The following ITIH5 variants were observed in gnomAD, a reference collection of about 807,000 sequenced individuals.
ITIH5 encodes the protein inter-alpha-trypsin inhibitor heavy chain 5, also known as inter-alpha-trypsin inhibitor heavy chain H5.
In ITIH5, 65 loss-of-function variants were observed where a neutral mutation model predicts 77.5. The observed-to-expected ratio is 0.84, with a 90% CI of 0.69 to 1.03. The LOEUF is 1.03. Among genes scored for constraint, ITIH5 ranks in the 50% least tolerant of loss-of-function variants. The pLI is 0.00. For missense variants in ITIH5, 1,208 were observed against 1,213.1 expected (o/e 1.00, Z 0.06); for synonymous variants, 525 against 494.3 (o/e 1.06, Z -0.82).
intron 2 of ITIH5, among the ~76,000 whole-genome samples, chr10:7,649,555 T>G (rs1352792915): frequency 6.6e-6 from 1 of 152,154 alleles, no homozygotes; most frequent in Non-Finnish European, 1.5e-5. Flanking sequence ...GATAGATAGA[T>G]AGATACCTTG....
At chr10:7,573,239 A>G in intron 10 of ITIH5, 44 bp from the exon 11 acceptor site, 1 of 1,544,928 alleles carries the variant, frequency 6.5e-7, no homozygotes, top group Non-Finnish European at 8.9e-7. Flanking sequence ...TTCCTTAAAG[A>G]AGATGAAGAG....
At chr10:7,572,052 G>C (rs1832311765) in intron 11 of ITIH5, 2 of 1,014,618 alleles carry the variant, frequency 2.0e-6, no homozygotes, top group African/African-American at 3.5e-5. Context: ...AGAGGGGAGG[G>C]TCAAAAAGTC....
At chr10:7,563,782 G>T (rs116953364) in intron 13 of ITIH5, among the ~76,000 whole-genome samples, 1 of 152,334 alleles carries the variant, frequency 6.6e-6, no homozygotes, top group South Asian at 2.1e-4. Context: ...TGTGCCGGGT[G>T]GGGGTGGAAA....
intron 12 of ITIH5, among the ~76,000 whole-genome samples, chr10:7,567,350 T>TTATTAC (rs1362075328): frequency 6.7e-6 from 1 of 148,786 alleles, no homozygotes; most frequent in African/African-American, 2.5e-5. Context: ...ATTATTATTA[T>TTATTAC]TATTATACTT....
intron 8 of ITIH5, among the ~76,000 whole-genome samples, chr10:7,580,326 G>T (rs905240944): frequency 4.3e-4 from 65 of 152,214 alleles, no homozygotes; most frequent in Non-Finnish European, 4.4e-5. Context: ...GACCATGTTG[G>T]CCAGGCTGGT....
chr10:7,628,475 G>A (rs530795155), intron 5 of ITIH5, among the ~76,000 whole-genome samples: 28 of 151,816 alleles, frequency 1.8e-4, no homozygotes, highest in African/African-American at 6.3e-4. Flanking sequence ...TCCGTGCTGC[G>A]GCATGTGTCT....
chr10:7,625,148 C>T (rs1564266858), intron 5 of ITIH5, among the ~76,000 whole-genome samples: 1 of 151,736 alleles, frequency 6.6e-6, no homozygotes, highest in African/African-American at 2.4e-5. Context: ...TGCAGACACA[C>T]AGTGCAATAT....
chr10:7,657,216 AC>A (rs1264059853), intron 1 of ITIH5, among the ~76,000 whole-genome samples: 1 of 140,476 alleles, frequency 7.1e-6, no homozygotes, highest in Non-Finnish European at 1.5e-5. Flanking sequence ...GGCTAATTTT[AC>A]TTTTGTATTT....
chr10:7,633,509 G>C (rs1833744906), intron 5 of ITIH5, among the ~76,000 whole-genome samples: 1 of 152,186 alleles, frequency 6.6e-6, no homozygotes, highest in African/African-American at 2.4e-5. Flanking sequence ...ATTTAATGAG[G>C]AGGTAGATAG....
chr10:7,624,591 G>T (rs1175571588), intron 5 of ITIH5, among the ~76,000 whole-genome samples: 1 of 151,332 alleles, frequency 6.6e-6, no homozygotes, highest in East Asian at 2.0e-4. Flanking sequence ...GCCAAGGGGG[G>T]CAGATCACCT....
intron 2 of ITIH5, among the ~76,000 whole-genome samples, chr10:7,644,626 C>CATATATATCAT (rs1833958419): frequency 1.0e-5 from 1 of 98,398 alleles, no homozygotes; most frequent in African/African-American, 4.4e-5. Context: ...ATATATATCA[C>CATATATATCAT]ATATATCACA....
intron 5 of ITIH5, among the ~76,000 whole-genome samples, chr10:7,633,872 G>A (rs1002788831): frequency 6.6e-5 from 10 of 151,912 alleles, no homozygotes; most frequent in Admixed American, 3.9e-4. Context: ...GGCGGATCAC[G>A]AGGTCAGGAG....
At chr10:7,615,898 A>G in intron 7 of ITIH5, 84 bp downstream of exon 7, 1 of 829,906 alleles carries the variant, frequency 1.2e-6, no homozygotes, top group South Asian at 1.4e-5. Context: ...GACGTTTGGC[A>G]TCTACCGAAC....
chr10:7,590,234 A>G (rs1238771782), intron 7 of ITIH5, among the ~76,000 whole-genome samples: 1 of 152,154 alleles, frequency 6.6e-6, no homozygotes, highest in East Asian at 1.9e-4. Flanking sequence ...CCGTGGTCCA[A>G]GGCGGAAGCC....
chr10:7,651,587 C>A (rs937826506), intron 2 of ITIH5, among the ~76,000 whole-genome samples: 1 of 151,864 alleles, frequency 6.6e-6, no homozygotes, highest in Middle Eastern at 3.4e-3. Flanking sequence ...CAGCCTGGGC[C>A]ACAGAGTGAG....
chr10:7,588,520 A>G (rs773195131), intron 7 of ITIH5, among the ~76,000 whole-genome samples: 1 of 152,218 alleles, frequency 6.6e-6, no homozygotes, highest in Non-Finnish European at 1.5e-5. Context: ...GTGTCTCAAA[A>G]AATAAATAAA....
intron 13 of ITIH5, among the ~76,000 whole-genome samples, chr10:7,565,585 T>C (rs1348276905): frequency 6.7e-6 from 1 of 148,812 alleles, no homozygotes; most frequent in Non-Finnish European, 1.5e-5. Context: ...ATATAATACA[T>C]ATATACATGT....
At chr10:7,655,760 G>A (rs1035445420) in intron 1 of ITIH5, 85 bp from the exon 2 acceptor site, 4 of 1,021,154 alleles carry the variant, frequency 3.9e-6, no homozygotes, top group African/African-American at 3.1e-5. Flanking sequence ...TCTCACATGA[G>A]TTATACAAGG....
intron 7 of ITIH5, among the ~76,000 whole-genome samples, chr10:7,594,400 G>A (rs1006548582): frequency 3.2e-4 from 48 of 152,282 alleles, no homozygotes; most frequent in African/African-American, 1.0e-3. Flanking sequence ...CCCTCTAGGG[G>A]CCTTCCATGC....
Sources: gnomAD v4.1 joint callset for allele counts (sites outside exome capture counted in the v4.1 genomes callset) on GRCh38, gnomAD v4.1.1 for gene constraint, MANE v1.5 for transcripts, NCBI Gene and HGNC (gene_info 2026-07-23, HGNC 2026-07-21) for gene names.